PTPRD: variants seen among roughly 807,000 people sequenced by gnomAD.
PTPRD encodes the protein receptor-type tyrosine-protein phosphatase delta.
In PTPRD, 34 loss-of-function variants were observed where a neutral mutation model predicts 214.5. That is an observed-to-expected ratio of 0.16 (90% CI 0.12 to 0.21). The LOEUF (loss-of-function observed/expected upper bound fraction) is 0.21. Among genes scored for constraint, PTPRD ranks in the 10% least tolerant of loss-of-function variants. The probability of loss-of-function intolerance (pLI) is 1.00; values close to 1 mark genes in which losing one functional copy is unlikely to be tolerated. For synonymous variants in PTPRD, 1,128 were observed against 845.7 expected, an observed-to-expected ratio of 1.33 and a Z score of -5.79; for missense variants, 2,545 against 2,398.7, an observed-to-expected ratio of 1.06 and a Z score of -1.27.
At chr9:10,290,551 A>C (rs1392919244) in intron 3 of PTPRD, among the ~76,000 whole-genome samples, 1 of 152,168 alleles carries the variant, frequency 6.6e-6, no homozygotes, top group African/African-American at 2.4e-5. Context: ...GATTCCAATG[A>C]CATACATTAT....
At chr9:8,665,967 A>G (rs1335750676) in intron 12 of PTPRD, among the ~76,000 whole-genome samples, 1 of 152,162 alleles carries the variant, frequency 6.6e-6, no homozygotes, top group African/African-American at 2.4e-5. Context: ...CAATGAAATA[A>G]AGTGTGTTAA....
At chr9:8,590,647 A>T (rs1224609069) in intron 14 of PTPRD, among the ~76,000 whole-genome samples, 1 of 152,180 alleles carries the variant, frequency 6.6e-6, no homozygotes, top group Non-Finnish European at 1.5e-5. Context: ...CAAACAAATG[A>T]ATGACTCAAA....
intron 5 of PTPRD, among the ~76,000 whole-genome samples, chr9:9,849,763 G>T (rs1194240297): frequency 6.6e-6 from 1 of 152,132 alleles, no homozygotes; most frequent in Non-Finnish European, 1.5e-5. Flanking sequence ...TTTGCATCCA[G>T]CTGATGCCCC....
At chr9:10,152,699 C>T (rs1433740595) in intron 3 of PTPRD, among the ~76,000 whole-genome samples, 1 of 152,122 alleles carries the variant, frequency 6.6e-6, no homozygotes, top group African/African-American at 2.4e-5. Context: ...GTGGCACACG[C>T]CTGTAATCCC....
intron 31 of PTPRD, among the ~76,000 whole-genome samples, chr9:8,467,535 A>G (rs943819320): frequency 6.6e-6 from 1 of 151,894 alleles, no homozygotes; most frequent in Admixed American, 6.6e-5. Flanking sequence ...GCACAATAGA[A>G]GAAAGTCTCA....
rs538801998 is a variant in PTPRD at position 9,302,672 on chromosome 9, AT to A, written c.-203+94776del. On this transcript the variant is annotated intron_variant, in intron 9 of 45. Transcript: ENST00000381196. ...AAACATTCTCCCACTGACTTTCATT[AT>A]TTTTTTAATTGGTTAACTCGTATGT... Among the ~76,000 whole-genome samples the A allele has an allele frequency of 3.8e-5, 3 of 79,312 alleles. No homozygotes were observed. In the South Asian group the frequency reaches 1.1e-3, roughly 28 times the overall value. 52.0% of individuals were successfully genotyped at this position (79,312 alleles called of 152,430 possible).
intron 10 of PTPRD, among the ~76,000 whole-genome samples, chr9:9,076,107 C>G (rs2099750766): frequency 1.3e-5 from 2 of 152,172 alleles, no homozygotes; most frequent in Admixed American, 1.3e-4. Flanking sequence ...ACCATTCTAA[C>G]TGGTATGAGA....
At chr9:8,442,145 GA>G (rs2095567304) in intron 34 of PTPRD, among the ~76,000 whole-genome samples, 1 of 152,134 alleles carries the variant, frequency 6.6e-6, no homozygotes, top group South Asian at 2.1e-4. Flanking sequence ...AAGTTTCCAA[GA>G]AAACATGAAC....
At chr9:9,318,668 AG>A (rs1246230112) in intron 9 of PTPRD, among the ~76,000 whole-genome samples, 1 of 152,198 alleles carries the variant, frequency 6.6e-6, no homozygotes, top group Non-Finnish European at 1.5e-5. Flanking sequence ...ATTTGATAAA[AG>A]TATCTCAATT....
At chr9:10,115,948 T>G (rs1467070406) in intron 3 of PTPRD, among the ~76,000 whole-genome samples, 2 of 152,048 alleles carry the variant, frequency 1.3e-5, no homozygotes, top group Non-Finnish European at 2.9e-5. Flanking sequence ...ACTGGTTGTT[T>G]ATGGAAACAT....
At chr9:9,873,986 G>C (rs372363678) in intron 5 of PTPRD, among the ~76,000 whole-genome samples, 1 of 152,206 alleles carries the variant, frequency 6.6e-6, no homozygotes, top group East Asian at 1.9e-4. Flanking sequence ...ATATGACCAA[G>C]AGACCAATTT....
chr9:8,601,687 G>A (rs1362411720), intron 14 of PTPRD, among the ~76,000 whole-genome samples: 1 of 152,160 alleles, frequency 6.6e-6, no homozygotes, highest in East Asian at 1.9e-4. Flanking sequence ...TATTGGGGTT[G>A]GGATGCTACT....
At chr9:9,364,331 C>A (rs1047868434) in intron 9 of PTPRD, among the ~76,000 whole-genome samples, 4 of 151,376 alleles carry the variant, frequency 2.6e-5, no homozygotes, top group Non-Finnish European at 5.9e-5. Flanking sequence ...AATTTTCCCC[C>A]GAAGTGCTTA....
intron 10 of PTPRD, among the ~76,000 whole-genome samples, chr9:9,019,990 TAAC>T (rs2099557092): frequency 6.6e-6 from 1 of 151,962 alleles, no homozygotes; most frequent in Non-Finnish European, 1.5e-5. Flanking sequence ...TCCTAGAAAA[TAAC>T]AACTGATCTT....
intron 10 of PTPRD, among the ~76,000 whole-genome samples, chr9:9,137,370 A>T (rs928993132): frequency 1.3e-5 from 2 of 152,144 alleles, no homozygotes; most frequent in Non-Finnish European, 2.9e-5. Context: ...AATTGAGTAG[A>T]TGCTATCAAA....
At chr9:8,886,053 C>G (rs10815987) in intron 11 of PTPRD, among the ~76,000 whole-genome samples, 25,307 of 151,870 alleles carry the variant, frequency 0.17, 2,688 homozygotes, top group Non-Finnish European at 0.23. Flanking sequence ...GGTTATAATC[C>G]CAAAGGTGAT....
intron 11 of PTPRD, among the ~76,000 whole-genome samples, chr9:8,847,847 CAA>C (rs1311215423): frequency 6.6e-6 from 1 of 152,014 alleles, no homozygotes; most frequent in African/African-American, 2.4e-5. Context: ...TTATAATTAA[CAA>C]AAGTTTCTCA....
At chr9:10,597,496 A>T (rs1304781001) in intron 2 of PTPRD, among the ~76,000 whole-genome samples, 2 of 151,852 alleles carry the variant, frequency 1.3e-5, no homozygotes, top group African/African-American at 2.4e-5. Context: ...TCAAATTAGT[A>T]GAAATCAAAA....
chr9:9,228,133 T>C (rs1350472085), intron 9 of PTPRD, among the ~76,000 whole-genome samples: 1 of 152,118 alleles, frequency 6.6e-6, no homozygotes, highest in African/African-American at 2.4e-5. Flanking sequence ...TTTACATATA[T>C]ATGCCTGTAT....
Sources: allele counts gnomAD v4.1 joint callset (sites outside exome capture counted in the v4.1 genomes callset), GRCh38; gene constraint gnomAD v4.1.1; transcripts MANE v1.5; gene names NCBI Gene and HGNC (gene_info 2026-07-23, HGNC 2026-07-21).